GAS7: variants seen among roughly 807,000 people sequenced by gnomAD.
The protein encoded by GAS7 is growth arrest specific 7.
A neutral mutation model predicts 71.1 loss-of-function variants in GAS7; 28 were observed. That is an observed-to-expected ratio of 0.39 (90% confidence interval 0.29 to 0.54). The LOEUF (loss-of-function observed/expected upper bound fraction) is 0.54. Among genes scored for constraint, GAS7 ranks in the 20% least tolerant of loss-of-function variants. GAS7 has a pLI of 0.62. For missense variants in GAS7, 436 were observed against 627.8 expected, an observed-to-expected ratio of 0.69 and a Z score of 3.27; for synonymous variants, 258 against 245.8, an observed-to-expected ratio of 1.05 and a Z score of -0.46.
intron 1 of GAS7, among the ~76,000 whole-genome samples, chr17:10,121,385 A>G (rs1394125046): frequency 6.6e-6 from 1 of 152,156 alleles, no homozygotes; most frequent in East Asian, 1.9e-4. Context: ...TGCCTCAAAA[A>G]ACAAATAAAA....
chr17:10,089,576 C>A (rs2073559098), intron 1 of GAS7, among the ~76,000 whole-genome samples: 1 of 152,040 alleles, frequency 6.6e-6, no homozygotes, highest in African/African-American at 2.4e-5. Flanking sequence ...TTATTTTAAC[C>A]CCTAGTTTGA....
chr17:10,063,235 T>C (rs2073239201), intron 1 of GAS7, among the ~76,000 whole-genome samples: 1 of 152,192 alleles, frequency 6.6e-6, no homozygotes, highest in Non-Finnish European at 1.5e-5. Flanking sequence ...TCCATCAAAA[T>C]AATAGGCAAC....
chr17:10,006,316 CTTTTTTTTTTT>C (rs1168698479), intron 2 of GAS7, among the ~76,000 whole-genome samples: 1,072 of 65,576 alleles, frequency 0.016, 10 homozygotes, highest in East Asian at 0.1. Flanking sequence ...GCCCCAGATT[CTTTTTTTTTTT>C]TTTTTTTTTT....
At chr17:10,101,507 G>A (rs1356289951) in intron 1 of GAS7, among the ~76,000 whole-genome samples, 2 of 152,204 alleles carry the variant, frequency 1.3e-5, no homozygotes, top group African/African-American at 4.8e-5. Context: ...GTGACCAGGA[G>A]GCAGGGAGCA....
At chr17:10,130,906 T>C (rs2142086618) in intron 1 of GAS7, among the ~76,000 whole-genome samples, 1 of 152,358 alleles carries the variant, frequency 6.6e-6, no homozygotes, top group South Asian at 2.1e-4. Flanking sequence ...TTTGAGGTGC[T>C]GGAAATGTTC....
chr17:10,058,251 T>TA (rs1296714039), intron 1 of GAS7, among the ~76,000 whole-genome samples: 3,094 of 151,458 alleles, frequency 0.02, 124 homozygotes, highest in African/African-American at 0.071. Flanking sequence ...CAATAAATAC[T>TA]AAAAACAAAA....
chr17:9,922,015 T>C (rs117976681), intron 11 of GAS7, among the ~76,000 whole-genome samples: 3,220 of 151,972 alleles, frequency 0.021, 80 homozygotes, highest in Non-Finnish European at 0.024. Context: ...TTATTAGCTA[T>C]GTAATCGTAG....
chr17:10,077,725 G>A (rs939056034), intron 1 of GAS7, among the ~76,000 whole-genome samples: 3 of 152,196 alleles, frequency 2.0e-5, no homozygotes, highest in African/African-American at 7.2e-5. Flanking sequence ...ACAGGGCAAT[G>A]AGGCAACTTG....
chr17:9,979,009 C>A (rs2070310760), intron 3 of GAS7, among the ~76,000 whole-genome samples: 2 of 152,174 alleles, frequency 1.3e-5, no homozygotes, highest in South Asian at 4.1e-4. Context: ...GTAGCCCCTC[C>A]CCCCGGTGCT....
intron 1 of GAS7, among the ~76,000 whole-genome samples, chr17:10,158,717 C>T (rs1396468779): frequency 1.3e-5 from 2 of 151,826 alleles, no homozygotes; most frequent in African/African-American, 2.4e-5. Flanking sequence ...ATTCTTGCAA[C>T]TCTTCAAATT....
In GAS7 at chr17:10,051,509, T is replaced by C. The variant is rs74482806; in HGVS notation, c.184-31612A>G. Among the ~76,000 whole-genome samples, 231 of 152,314 alleles carry C rather than the reference T, an allele frequency of 1.5e-3. 5 individuals are homozygous for C. In the East Asian group the frequency reaches 0.028, roughly 19 times the overall value. ...AAAAGACGTGGTTTCTTGGCTCGCA[T>C]GGACTGTCCCCTAAAGTAACTAAAG... On this transcript the variant is annotated intron_variant, in intron 1 of 13. Coordinates refer to ENST00000432992, the MANE Select transcript of GAS7 (RefSeq NM_201433.2).
chr17:10,017,778 G>A (rs757740621), intron 2 of GAS7, among the ~76,000 whole-genome samples: 1 of 152,202 alleles, frequency 6.6e-6, no homozygotes, highest in Non-Finnish European at 1.5e-5. Flanking sequence ...CTGAGTGGCT[G>A]GGATGGAGAC....
intron 1 of GAS7, among the ~76,000 whole-genome samples, chr17:10,090,756 T>G (rs1471853827): frequency 6.6e-6 from 1 of 152,176 alleles, no homozygotes; most frequent in Non-Finnish European, 1.5e-5. Flanking sequence ...AGTTTTTGGA[T>G]GAGGACGTGG....
At position 9,919,815 on chromosome 17, in the gene GAS7, G is replaced by A. The variant is rs757512244; in HGVS notation, c.1139-110C>T. 3 of 841,846 alleles carry A rather than the reference G, an allele frequency of 3.6e-6. No homozygotes were observed. Among genetic ancestry groups the A allele is most frequent in the Non-Finnish European group, 6.1e-6 (3 of 489,476 alleles). The allele number at this position is 841,846 out of a possible 1,614,324, so 52.1% of individuals were successfully genotyped here. On this transcript the variant is annotated intron_variant, in intron 11 of 13. Transcript: ENST00000432992. The surrounding 1 kb of genome is among the most constrained non-coding windows in gnomAD (Gnocchi z 5.0). ...TTCTCCTCCCCCTGGGGTCATGGTG[G>A]CCGCTGGAAAGCTGGAAAAGGGATG...
chr17:9,979,863 A>T (rs559361235), intron 3 of GAS7, among the ~76,000 whole-genome samples: 154 of 73,286 alleles, frequency 2.1e-3, no homozygotes, highest in African/African-American at 5.7e-3. Context: ...TGATTGTTTT[A>T]AAAAAAAAAA....
rs543081672 is a variant in GAS7, at chr17:9,920,766, G to GT, written c.1139-1062dup. ...TCCAGCAAGAGGAAGGCATCATGGT[G>GT]TTTGCTCACGATGGAAAAAGCTCAT... On this transcript the variant is annotated intron_variant, in intron 11 of 13. Transcript: ENST00000432992. Among the ~76,000 whole-genome samples, 55 of 152,372 alleles carry GT rather than the reference G, an allele frequency of 3.6e-4. No homozygotes were observed. The East Asian group carries it at 5.8e-3, about 16-fold the overall frequency.
intron 1 of GAS7, among the ~76,000 whole-genome samples, chr17:10,134,774 A>C (rs545251142): frequency 6.6e-6 from 1 of 152,172 alleles, no homozygotes; most frequent in East Asian, 1.9e-4. Context: ...GCTGCAGAGC[A>C]GGGCTACCCC....
At chr17:9,921,160 T>TC (rs1225738626) in intron 11 of GAS7, among the ~76,000 whole-genome samples, 82 of 149,430 alleles carry the variant, frequency 5.5e-4, no homozygotes, top group African/African-American at 1.9e-3. Flanking sequence ...TTTTTTTCTT[T>TC]TTTTTTTTTT....
intron 2 of GAS7, among the ~76,000 whole-genome samples, chr17:10,012,337 G>A (rs1384164593): frequency 6.6e-6 from 1 of 152,148 alleles, no homozygotes; most frequent in Non-Finnish European, 1.5e-5. Flanking sequence ...ACCCAGGCTG[G>A]AGAGCAATGG....
Sources: gnomAD v4.1 joint callset for allele counts (sites outside exome capture counted in the v4.1 genomes callset) on GRCh38, gnomAD v4.1.1 for gene constraint, Gnocchi (gnomAD v3.1) non-coding constraint, MANE v1.5 for transcripts, NCBI Gene and HGNC (gene_info 2026-07-23, HGNC 2026-07-21) for gene names.